The following MIB1 variants were observed in gnomAD, a reference collection of about 807,000 sequenced individuals.
The protein encoded by MIB1 is E3 ubiquitin-protein ligase MIB1.
MIB1 carries 278 observed loss-of-function variants against 124.5 expected under a neutral mutation model. The ratio of observed to expected loss-of-function variants is 2.23; its 90% CI spans 2.02 to 2.47. The LOEUF (loss-of-function observed/expected upper bound fraction) is 2.47, where lower values mean the gene tolerates loss of function less well. Ranked by LOEUF, MIB1 falls within the 30% of genes most tolerant of loss-of-function variation. The pLI is 0.00. For synonymous variants in MIB1, 446 were observed against 429.4 expected, an observed-to-expected ratio of 1.04 and a Z score of -0.48; for missense variants, 957 against 1,254.4, an observed-to-expected ratio of 0.76 and a Z score of 3.58.
chr18:21,862,385 C>T (rs185235534), intron 20 of MIB1, among the ~76,000 whole-genome samples: 2 of 152,154 alleles, frequency 1.3e-5, no homozygotes, highest in Non-Finnish European at 1.5e-5. Context: ...GGCTTTAGGC[C>T]TAGTTTTTTA....
At chr18:21,768,500 A>G (rs2041189462) in intron 2 of MIB1, 123 bp from the exon 3 acceptor site, 5 of 617,760 alleles carry the variant, frequency 8.1e-6, no homozygotes, top group Non-Finnish European at 1.3e-5. Context: ...CTATTATGGT[A>G]GTAACCAGAA....
At chr18:21,821,338 A>G (rs1230140872) in intron 12 of MIB1, among the ~76,000 whole-genome samples, 12 of 152,140 alleles carry the variant, frequency 7.9e-5, no homozygotes, top group Admixed American at 7.9e-4. Flanking sequence ...TCAGACCCAT[A>G]TTCTGTGTGT....
intron 10 of MIB1, among the ~76,000 whole-genome samples, chr18:21,815,187 G>A (rs1450133211): frequency 6.6e-6 from 1 of 150,376 alleles, no homozygotes; most frequent in African/African-American, 2.4e-5. Context: ...TTTTTTTATA[G>A]AGACAGGGTC....
At chr18:21,848,741 A>G (rs889669059) in intron 16 of MIB1, among the ~76,000 whole-genome samples, 23 of 152,134 alleles carry the variant, frequency 1.5e-4, no homozygotes, top group African/African-American at 5.3e-4. Flanking sequence ...TGAAGTGTTA[A>G]ATTTTCCAAA....
Position 21,815,676 on chromosome 18 carries a change from G to A in MIB1, c.1540G>A (p.Glu514Lys). ...TTTTGGAGATGAAGGCGCTGTTATA[G>A]AAGTACTACATCGAGGTAGTGCTGA... ...AAFGDEGAVI[E>K]VLHRGSADLN... Residue 514 changes from glutamate (E) to lysine (K), a missense_variant, in exon 11 of 21, where the codon GAA (glutamate) becomes AAA (lysine). By Grantham distance (56) the Glu-to-Lys change is moderately conservative. Transcript: ENST00000261537. 6.2e-7 allele frequency: 1 copy of A among 1,614,124 alleles called. No individual in the cohort carries two copies. Among genetic ancestry groups the A allele is most frequent in the Non-Finnish European group, 8.5e-7 (1 of 1,179,996 alleles).
chr18:21,739,547 A>G (rs1032894543), upstream of MIB1, among the ~76,000 whole-genome samples: 1 of 152,200 alleles, frequency 6.6e-6, no homozygotes, highest in East Asian at 1.9e-4. Context: ...AAAATCTTCA[A>G]TAAAATACTA....
At chr18:21,807,741 A>G (rs542113969) in intron 10 of MIB1, among the ~76,000 whole-genome samples, 47 of 152,342 alleles carry the variant, frequency 3.1e-4, no homozygotes, top group African/African-American at 1.1e-3. Context: ...CAGTAGTGCT[A>G]AAGTGGAGAA....
At chr18:21,738,943 G>A (rs56111562), upstream of MIB1, among the ~76,000 whole-genome samples, 1 of 147,710 alleles carries the variant, frequency 6.8e-6, no homozygotes, top group African/African-American at 2.5e-5. Flanking sequence ...GATCAGAGCA[G>A]AACTGAAGGA....
rs748563382 is a variant in MIB1 at position 21,864,578 on chromosome 18, G to T, written c.2933G>T (p.Gly978Val). 1 of 1,613,698 alleles carries T rather than the reference G, an allele frequency of 6.2e-7. No individual in the cohort carries two copies. Residue 978 changes from glycine to valine, a missense_variant, in exon 21 of 21, where the codon GGT becomes GTT. Transcript: ENST00000261537. The stretch of plus-strand genomic sequence containing the variant: ...CTGAAGAATATGATTTTCCTTTGTG[G>T]TCACGGAACCTGTCAACTCTGTGGA... ...DRLKNMIFLCGHGTCQLCGDR... is the reference protein window; with the variant it reads ...DRLKNMIFLCVHGTCQLCGDR...
At chr18:21,843,053 C>A in intron 13 of MIB1, 78 bp from the exon 14 acceptor site, 1 of 970,618 alleles carries the variant, frequency 1.0e-6, no homozygotes, top group South Asian at 1.6e-5. Context: ...GTTATTTATT[C>A]CTTATGAGTA....
At chr18:21,849,465 C>T in intron 17 of MIB1, 77 bp downstream of exon 17, 1 of 790,554 alleles carries the variant, frequency 1.3e-6, no homozygotes, top group Non-Finnish European at 1.9e-6. Context: ...GATTTAATGA[C>T]ATCATGCGTC....
intron 20 of MIB1, among the ~76,000 whole-genome samples, chr18:21,862,980 T>TTTTG (rs1598648501): frequency 1.3e-5 from 2 of 152,194 alleles, no homozygotes; most frequent in African/African-American, 4.8e-5. Flanking sequence ...ATATAGGTTT[T>TTTTG]TTTGTTTGTT....
intron 6 of MIB1, among the ~76,000 whole-genome samples, chr18:21,788,111 A>T (rs913214324): frequency 6.6e-6 from 1 of 152,074 alleles, no homozygotes; most frequent in Non-Finnish European, 1.5e-5. Context: ...TGATTTCTAG[A>T]TTGCAAGTTT....
chr18:21,822,871 A>G (rs2041891361), intron 12 of MIB1, among the ~76,000 whole-genome samples: 1 of 152,008 alleles, frequency 6.6e-6, no homozygotes, highest in African/African-American at 2.4e-5. Context: ...AGGCTGAGGC[A>G]GGAGGATTGC....
chr18:21,736,230 C>T (rs559817232), upstream of MIB1, among the ~76,000 whole-genome samples: 6 of 152,176 alleles, frequency 3.9e-5, no homozygotes, highest in Non-Finnish European at 7.3e-5. Context: ...GATACCCAGG[C>T]AAACAGGGTA....
Position 21,779,496 on chromosome 18 carries a change from A to G in MIB1, c.719A>G (p.Asn240Ser). Residue 240 changes from asparagine (N) to serine (S), a missense_variant, in exon 6 of 21, where the codon AAC becomes AGC. By Grantham distance (46) the Asn-to-Ser change is conservative. Coordinates refer to ENST00000261537, the MANE Select transcript of MIB1 (RefSeq NM_020774.4). The part of the protein sequence containing the change: ...HCPVLGEQNG[N>S]RNPGGLQIGD... ...GAAATTACAGGTGAGCAGAATGGCA[A>G]CAGGAATCCTGGTGGATTGCAGATT... is the stretch of plus-strand genomic sequence containing the variant. 3.1e-6 allele frequency: 5 copies of G among 1,614,092 alleles called. No individual in the cohort carries two copies. The highest frequency in any genetic ancestry group is 4.2e-6 in the Non-Finnish European group (5 of 1,179,954).
chr18:21,715,678 C>G (rs1022315266), intron 1 of MIB1, among the ~76,000 whole-genome samples: 1 of 151,488 alleles, frequency 6.6e-6, no homozygotes, highest in Non-Finnish European at 1.5e-5. Context: ...AAAATCAAAA[C>G]TTCAGGAAAC....
In MIB1 at chr18:21,859,659, C is replaced by T. The variant is rs527969155; in HGVS notation, c.2880+1013C>T. 5.4e-4 allele frequency among the ~76,000 whole-genome samples: 82 copies of T among 151,892 alleles called. 1 individual carries two copies. Among genetic ancestry groups the T allele is most frequent in the Non-Finnish European group, 9.9e-4 (67 of 67,934 alleles). On this transcript the variant is annotated intron_variant, in intron 20 of 20. Coordinates refer to ENST00000261537, the MANE Select transcript of MIB1 (RefSeq NM_020774.4). ...ATCCCAGCACTTTGGGAGGCTGAGGCGAGCAGATCACTTGAGGTCAGGAGT... is the reference window on the plus strand; with the variant it reads ...ATCCCAGCACTTTGGGAGGCTGAGGTGAGCAGATCACTTGAGGTCAGGAGT...
chr18:21,707,270 G>A (rs1030214819), intron 1 of MIB1, among the ~76,000 whole-genome samples: 1 of 152,162 alleles, frequency 6.6e-6, no homozygotes, highest in Non-Finnish European at 1.5e-5. Context: ...GAGAAATTTT[G>A]TGTCTAGCTC....
Sources: allele counts gnomAD v4.1 joint callset (sites outside exome capture counted in the v4.1 genomes callset), GRCh38; gene constraint gnomAD v4.1.1; transcripts MANE v1.5; gene names NCBI Gene and HGNC (gene_info 2026-07-23, HGNC 2026-07-21).